The following DIP2C variants were observed in gnomAD, a reference collection of about 807,000 sequenced individuals.
DIP2C encodes the protein disco-interacting protein 2 homolog C.
In DIP2C, 33 loss-of-function variants were observed where a neutral mutation model predicts 192.4. The observed-to-expected ratio is 0.17, with a 90% CI of 0.13 to 0.23. The LOEUF (loss-of-function observed/expected upper bound fraction) is 0.23. Among genes scored for constraint, DIP2C ranks in the 10% least tolerant of loss-of-function variants. The pLI is 1.00. For synonymous variants in DIP2C, 979 were observed against 864.1 expected, an observed-to-expected ratio of 1.13 and a Z score of -2.33; for missense variants, 1,537 against 2,110.1, an observed-to-expected ratio of 0.73 and a Z score of 5.32.
intron 3 of DIP2C, among the ~76,000 whole-genome samples, chr10:463,395 A>G (rs1330267299): frequency 1.3e-5 from 2 of 152,180 alleles, no homozygotes; most frequent in Non-Finnish European, 2.9e-5. Flanking sequence ...CCCATTCACA[A>G]TTGCTACAAA....
intron 1 of DIP2C, among the ~76,000 whole-genome samples, chr10:537,386 T>C (rs1316114774): frequency 1.3e-5 from 2 of 152,190 alleles, no homozygotes; most frequent in African/African-American, 4.8e-5. Context: ...AAAATACCCA[T>C]CGTTAACTAA....
At chr10:674,789 T>TATATATATAGAGAGAGAGAG in intron 1 of DIP2C, among the ~76,000 whole-genome samples, 11 of 62,484 alleles carry the variant, frequency 1.8e-4, no homozygotes, top group African/African-American at 5.4e-4. Context: ...TATATATATA[T>TATATATATAGAGAGAGAGAG]AGAGAGAGAG....
intron 3 of DIP2C, among the ~76,000 whole-genome samples, chr10:449,800 A>T (rs546499490): frequency 4.3e-5 from 6 of 138,384 alleles, no homozygotes; most frequent in East Asian, 2.0e-4. Flanking sequence ...AAAAAAAAAG[A>T]AGTAAACACA....
intron 1 of DIP2C, among the ~76,000 whole-genome samples, chr10:670,250 A>C (rs1176902979): frequency 6.6e-6 from 1 of 152,118 alleles, no homozygotes; most frequent in Non-Finnish European, 1.5e-5. Flanking sequence ...ATATGCACAC[A>C]CGTACATGCA....
At chr10:366,124 A>G (rs949540199) in intron 19 of DIP2C, 151 bp downstream of exon 19, 1 of 1,125,028 alleles carries the variant, frequency 8.9e-7, no homozygotes, top group Non-Finnish European at 1.3e-6. Flanking sequence ...CAAAAGCGAT[A>G]AAAAGTGGTA....
chr10:330,467 A>C lies in DIP2C; in HGVS notation c.3585-866T>G, dbSNP rs567478449. ...AATTCACAATAGATACCATACATTA[A>C]AATAAAATATCCTAGATAAATCACG... On this transcript the variant is annotated intron_variant, in intron 29 of 36. Transcript: ENST00000280886. Among the ~76,000 whole-genome samples, 10 of 152,290 alleles carry C rather than the reference A, an allele frequency of 6.6e-5. No homozygotes were observed. In the East Asian group the frequency reaches 1.9e-3, roughly 29 times the overall value.
chr10:292,204 A>G (rs1228270230), intron 32 of DIP2C, among the ~76,000 whole-genome samples: 2 of 152,208 alleles, frequency 1.3e-5, no homozygotes, highest in Non-Finnish European at 2.9e-5. Flanking sequence ...TCCAACGTGC[A>G]TTACTGCTGC....
intron 28 of DIP2C, among the ~76,000 whole-genome samples, chr10:343,157 C>T (rs549033405): frequency 7.9e-5 from 12 of 152,284 alleles, no homozygotes; most frequent in African/African-American, 2.4e-4. Context: ...GGGGTGGTGG[C>T]GCATGCCTGT....
intron 31 of DIP2C, among the ~76,000 whole-genome samples, chr10:310,444 A>C (rs1344236868): frequency 6.6e-6 from 1 of 152,260 alleles, no homozygotes; most frequent in African/African-American, 2.4e-5. Context: ...ATCTGTGCGG[A>C]GAAATTTTTA....
intron 5 of DIP2C, among the ~76,000 whole-genome samples, chr10:421,732 AAAG>A (rs776745803): frequency 6.6e-6 from 1 of 152,226 alleles, no homozygotes; most frequent in Admixed American, 6.5e-5. Flanking sequence ...GAGAGAGAAA[AAAG>A]AAATGGTTTT....
rs367931284 is a variant in DIP2C, at chr10:284,695, A to G, written c.4120-1249T>C. Among the ~76,000 whole-genome samples the G allele has an allele frequency of 8.1e-4, 123 of 152,338 alleles. 1 individual carries two copies. The highest frequency in any genetic ancestry group is 1.6e-3 in the Non-Finnish European group (108 of 68,046). ...TGCGGTGACTACAGTTAATAATACTATATCACTTAATTGAAATTTGATAAC... is the reference window on the plus strand; with the variant it reads ...TGCGGTGACTACAGTTAATAATACTGTATCACTTAATTGAAATTTGATAAC... On this transcript the variant is annotated intron_variant, in intron 34 of 36. Coordinates refer to ENST00000280886, the MANE Select transcript of DIP2C (RefSeq NM_014974.3).
At position 689,096 on chromosome 10, in the gene DIP2C, G is replaced by A. The variant is rs1211130164; in HGVS notation, c.85+398C>T. On this transcript the variant is annotated intron_variant, in intron 1 of 36. Transcript: ENST00000280886. This position sits in a 1 kb window ranked among gnomAD's most constrained non-coding sequence, Gnocchi z 6.1. ...AGCGCACGGGAAGGCCGATCCCGCC[G>A]GGCCCGCTGCATCCTGCGTCCCCGC... Among the ~76,000 whole-genome samples the A allele has an allele frequency of 2.0e-5, 3 of 151,824 alleles. No homozygotes were observed. The highest frequency in any genetic ancestry group is 4.4e-5 in the Non-Finnish European group (3 of 67,900).
chr10:559,029 C>G (rs1308594209), intron 1 of DIP2C, among the ~76,000 whole-genome samples: 1 of 151,546 alleles, frequency 6.6e-6, no homozygotes, highest in East Asian at 1.9e-4. Flanking sequence ...CAAGGAATCT[C>G]AGAGGTTTTC....
chr10:655,587 C>CT (rs1356463869), intron 1 of DIP2C, among the ~76,000 whole-genome samples: 4 of 152,184 alleles, frequency 2.6e-5, no homozygotes, highest in African/African-American at 9.7e-5. Context: ...CTGTTCTGTG[C>CT]TTTGCGACTC....
chr10:395,155 AGG>A, intron 10 of DIP2C, among the ~76,000 whole-genome samples: 1 of 49,978 alleles, frequency 2.0e-5, no homozygotes, highest in East Asian at 7.3e-4. Context: ...GATGGGGGGG[AGG>A]GAGGACATGG....
At chr10:295,010 G>A (rs1205003838) in intron 32 of DIP2C, among the ~76,000 whole-genome samples, 1 of 151,632 alleles carries the variant, frequency 6.6e-6, no homozygotes, top group Admixed American at 6.6e-5. Context: ...TAAAAAATGG[G>A]CAAATGATCC....
Position 363,119 on chromosome 10 carries a change from T to A in DIP2C, c.2592+78A>T. 1 of 1,320,018 alleles carries A rather than the reference T, an allele frequency of 7.6e-7. No individual in the cohort carries two copies. The highest frequency in any genetic ancestry group is 2.0e-4 in the Middle Eastern group (1 of 4,962). 81.8% of individuals were successfully genotyped at this position (1,320,018 alleles called of 1,614,324 possible). ...ACCCCATGGGCAAAGCAACAGCTGG[T>A]CACACCATGATCTGAATGAAGTAAG... On this transcript the variant is annotated intron_variant, in intron 21 of 36. Transcript: ENST00000280886. This position sits in a 1 kb window ranked among gnomAD's most constrained non-coding sequence, Gnocchi z 5.4.
At chr10:438,811 CTATT>C (rs1380869836) in intron 4 of DIP2C, among the ~76,000 whole-genome samples, 9 of 151,952 alleles carry the variant, frequency 5.9e-5, no homozygotes, top group Admixed American at 4.6e-4. Flanking sequence ...TAAAGAGTCT[CTATT>C]TATTATCGTT....
chr10:426,033 TTAA>T (rs1966576799), intron 4 of DIP2C, among the ~76,000 whole-genome samples: 1 of 152,164 alleles, frequency 6.6e-6, no homozygotes, highest in African/African-American at 2.4e-5. Flanking sequence ...ATTAACAAAT[TTAA>T]TAATAAAGAC....
Sources: allele counts gnomAD v4.1 joint callset (sites outside exome capture counted in the v4.1 genomes callset), GRCh38; gene constraint gnomAD v4.1.1; non-coding constraint Gnocchi (gnomAD v3.1); transcripts MANE v1.5; gene names NCBI Gene and HGNC (gene_info 2026-07-23, HGNC 2026-07-21).